Variants in NLRX1 observed in about 807,000 individuals in gnomAD.
The protein encoded by NLRX1 is NOD-like receptor X1.
NLRX1 carries 67 observed loss-of-function variants against 74.2 expected under a neutral mutation model. The ratio of observed to expected loss-of-function variants is 0.90; its 90% confidence interval spans 0.74 to 1.11. The LOEUF is 1.11. Among genes scored for constraint, NLRX1 ranks in the 50% least tolerant of loss-of-function variants. The probability of loss-of-function intolerance (pLI) is 0.00; values close to 1 mark genes in which losing one functional copy is unlikely to be tolerated. For missense variants in NLRX1, 1,191 were observed against 1,305.4 expected, an observed-to-expected ratio of 0.91 and a Z score of 1.35; for synonymous variants, 506 against 559.1, an observed-to-expected ratio of 0.91 and a Z score of 1.34.
chr11:119,183,248 A>G lies in NLRX1; in HGVS notation c.2737A>G (p.Ile913Val). The stretch of plus-strand genomic sequence containing the variant: ...GGCGGTGTCAGAATACTGGTCAGTG[A>G]TCCTCAGTGAAGTCCAGCGGAACCT... ...GTAVSEYWSV[I>V]LSEVQRNLNS... The change falls in exon 10 of 10, where the codon ATC becomes GTC. Residue 913 changes from isoleucine (I) to valine (V), a missense_variant. By Grantham distance (29) the Ile-to-Val change is conservative. Transcript: ENST00000409109. The surrounding 1 kb of genome is among the most constrained non-coding windows in gnomAD (Gnocchi z 5.7). The G allele has an allele frequency of 3.1e-6, 5 of 1,614,180 alleles. No homozygotes were observed. Among genetic ancestry groups the G allele is most frequent in the Non-Finnish European group, 3.4e-6 (4 of 1,180,032 alleles).
chr11:119,179,936 C>A lies in NLRX1; in HGVS notation c.1915C>A (p.Leu639Ile). 1 of 1,613,266 alleles carries A rather than the reference C, an allele frequency of 6.2e-7. No individual in the cohort carries two copies. Among genetic ancestry groups the A allele is most frequent in the Non-Finnish European group, 8.5e-7 (1 of 1,179,460 alleles). The change falls in exon 7 of 10, where the codon CTA (leucine) becomes ATA (isoleucine). Residue 639 changes from leucine to isoleucine, a missense_variant. Leu to Ile is a conservative substitution (Grantham distance 5). Coordinates refer to ENST00000409109, the MANE Select transcript of NLRX1 (RefSeq NM_001282144.2). The stretch of plus-strand genomic sequence containing the variant: ...TCTCTCTGCCCACAACCGAGCTGTG[C>A]TAGCTCAGCTTGGCTGCCCCATCAA... ...GLLSAHNRAV[L>I]AQLGCPIKNL...
In NLRX1 at chr11:119,174,594, T is replaced by C. The variant is rs758482125; in HGVS notation, c.991T>C (p.Cys331Arg). The change falls in exon 6 of 10, where the codon TGC (cysteine) becomes CGC (arginine). Residue 331 changes from cysteine to arginine, a missense_variant. Cys to Arg is a radical substitution (Grantham distance 180). Coordinates refer to ENST00000409109, the MANE Select transcript of NLRX1 (RefSeq NM_001282144.2). ...CCAGCTCCGCCTCAACCAGCCGTAC[T>C]GCGGGTATGCCGTTGGCGGTTCAGG... Reference protein sequence around the residue: ...YFQLRLNQPYCGYAVGGSGVS... With the variant: ...YFQLRLNQPYRGYAVGGSGVS... 3.7e-6 allele frequency: 6 copies of C among 1,614,080 alleles called. No individual in the cohort carries two copies. Among genetic ancestry groups the C allele is most frequent in the Non-Finnish European group, 3.4e-6 (4 of 1,180,050 alleles).
chr11:119,174,218 A>G lies in NLRX1; in HGVS notation c.849+120A>G, dbSNP rs994831658. ...TGGTGCGACCCTGAGCAAGTCAGTA[A>G]CTTCCCCAGCCTTCTGTTCCTTTCT... On this transcript the variant is annotated intron_variant, in intron 5 of 9. Transcript: ENST00000409109. 1.5e-5 allele frequency: 19 copies of G among 1,299,590 alleles called. No homozygotes were observed. The East Asian group carries it at 2.2e-4, about 15-fold the overall frequency. The allele number at this position is 1,299,590 out of a possible 1,614,324, so 80.5% of individuals were successfully genotyped here. A position where few individuals can be genotyped will look rare whatever the true frequency, so the allele number is the denominator to read the frequency against.
intron 5 of NLRX1, 70 bp from the exon 6 acceptor site, chr11:119,174,383 G>A (rs918454597): frequency 6.7e-7 from 1 of 1,484,416 alleles, no homozygotes; most frequent in Non-Finnish European, 9.2e-7. Flanking sequence ...GTCTTCAGGG[G>A]TCCCCTGGGA....
chr11:119,181,351 G>A (rs1161706120), intron 8 of NLRX1, 94 bp downstream of exon 8: 3 of 936,822 alleles, frequency 3.2e-6, no homozygotes, highest in Non-Finnish European at 5.1e-6. Context: ...CCCACCCAAG[G>A]GATAGTAAAT....
At chr11:119,170,719 A>G (rs748941522) in intron 1 of NLRX1, among the ~76,000 whole-genome samples, 1 of 152,212 alleles carries the variant, frequency 6.6e-6, no homozygotes, top group Non-Finnish European at 1.5e-5. Flanking sequence ...CAGAAAAGCC[A>G]CTGAAAATGA....
At chr11:119,175,826 C>T (rs1948690165) in intron 6 of NLRX1, among the ~76,000 whole-genome samples, 1 of 152,178 alleles carries the variant, frequency 6.6e-6, no homozygotes, top group African/African-American at 2.4e-5. Context: ...AATTACAGAC[C>T]TGAGGACTGT....
At chr11:119,181,930 C>A (rs1391814071) in intron 8 of NLRX1, among the ~76,000 whole-genome samples, 164 bp from the exon 9 acceptor site, 1 of 152,098 alleles carries the variant, frequency 6.6e-6, no homozygotes, top group East Asian at 1.9e-4. Context: ...CCTGGGCCTG[C>A]ATTTCTATGT....
intron 6 of NLRX1, among the ~76,000 whole-genome samples, chr11:119,175,750 A>C (rs1485868594): frequency 6.6e-6 from 1 of 152,084 alleles, no homozygotes; most frequent in Non-Finnish European, 1.5e-5. Context: ...TTATACTAGG[A>C]AGATAAATGG....
At chr11:119,171,313 G>A (rs1004823535) in intron 1 of NLRX1, 43 bp from the exon 2 acceptor site, 1 of 1,409,358 alleles carries the variant, frequency 7.1e-7, no homozygotes, top group African/African-American at 1.4e-5. Context: ...GGGTGCAGGG[G>A]AGGAGTGGTG....
Position 119,183,166 on chromosome 11 carries a change from C to T in NLRX1, c.2655C>T (p.Asp885=). Residue 885 remains aspartate, a synonymous_variant, in exon 10 of 10, where the codon GAC becomes GAT. Coordinates refer to ENST00000409109, the MANE Select transcript of NLRX1 (RefSeq NM_001282144.2). This position sits in a 1 kb window ranked among gnomAD's most constrained non-coding sequence, Gnocchi z 5.7. ...LSSEGRQVLR[D]LGGAAEGGAR... is the part of the protein sequence containing the mutation. ...CAGAGGGCCGCCAGGTCTTGCGAGA[C>T]TTGGGGGGTGCTGCTGAAGGTGGTG... 2 of 1,614,164 alleles carry T rather than the reference C, an allele frequency of 1.2e-6. No individual in the cohort carries two copies. Among genetic ancestry groups the T allele is most frequent in the Non-Finnish European group, 8.5e-7 (1 of 1,180,030 alleles).
chr11:119,173,070 T>C lies in NLRX1; in HGVS notation c.229+81T>C. The C allele has an allele frequency of 9.1e-7, 1 of 1,103,274 alleles. No individual in the cohort carries two copies. Among genetic ancestry groups the C allele is most frequent in the Non-Finnish European group, 1.4e-6 (1 of 723,866 alleles). 68.3% of individuals were successfully genotyped at this position (1,103,274 alleles called of 1,614,324 possible). On this transcript the variant is annotated intron_variant, in intron 4 of 9. Coordinates refer to ENST00000409109, the MANE Select transcript of NLRX1 (RefSeq NM_001282144.2). The surrounding 1 kb of genome is among the most constrained non-coding windows in gnomAD (Gnocchi z 4.0). ...AAGGAGAAGCAGGGTGAGGGAGGCA[T>C]AGAGGATCCACTGCCATCTTCCATC...
At chr11:119,172,500 C>A (rs938352460) in intron 3 of NLRX1, 75 bp downstream of exon 3, 4 of 1,132,244 alleles carry the variant, frequency 3.5e-6, no homozygotes, top group Non-Finnish European at 5.4e-6. Context: ...GGACTTGGGG[C>A]TAGCTTGATC....
chr11:119,176,022 A>G (rs1317043829), intron 6 of NLRX1, among the ~76,000 whole-genome samples: 1 of 152,220 alleles, frequency 6.6e-6, no homozygotes, highest in Non-Finnish European at 1.5e-5. Flanking sequence ...TAACTTGTCC[A>G]AGATCACTCA....
At chr11:119,182,889 A>AAAAAACAAAAAC (rs578006710) in intron 9 of NLRX1, among the ~76,000 whole-genome samples, 11 of 151,664 alleles carry the variant, frequency 7.3e-5, no homozygotes, top group East Asian at 1.9e-4. Flanking sequence ...TCCATCTCAA[A>AAAAAACAAAAAC]AAAAACAAAA....
intron 6 of NLRX1, among the ~76,000 whole-genome samples, chr11:119,178,362 C>T (rs914280494): frequency 2.0e-5 from 3 of 152,088 alleles, no homozygotes; most frequent in African/African-American, 7.2e-5. Context: ...CTGCTGTGTG[C>T]CAGGCAATGT....
In NLRX1 at chr11:119,169,214, C is replaced by T. The variant is rs1444211865; in HGVS notation, c.-137C>T. On this transcript the variant is annotated 5_prime_UTR_variant, in exon 1 of 10. Transcript: ENST00000409109. ...TGGCGGGCGTTCTGGCAAGTCTCCC[C>T]CTGCGTTCCCGAGGCCACCCGAAAG... 6.6e-6 allele frequency: 1 copy of T among 152,666 alleles called. No individual in the cohort carries two copies. The highest frequency in any genetic ancestry group is 1.5e-5 in the Non-Finnish European group (1 of 68,450). The allele number at this position is 152,666 out of a possible 1,614,324, so 9.5% of individuals were successfully genotyped here.
chr11:119,180,156 A>G lies in NLRX1; in HGVS notation c.2135A>G (p.Lys712Arg), dbSNP rs747088152. The G allele has an allele frequency of 6.2e-7, 1 of 1,613,462 alleles. No homozygotes were observed. Among genetic ancestry groups the G allele is most frequent in the Non-Finnish European group, 8.5e-7 (1 of 1,179,660 alleles). Residue 712 changes from lysine (K) to arginine (R), a missense_variant, in exon 7 of 10, where the codon AAG becomes AGG. Transcript: ENST00000409109. ...GCAGGTGTGCGCATGACACCAGTCA[A>G]GTGCACAGTGGTGGCAGCTGTGCTG... ...NLAGVRMTPV[K>R]CTVVAAVLGS...
rs556602737 is a variant in NLRX1 at position 119,179,780 on chromosome 11, G to T, written c.1759G>T (p.Asp587Tyr). The T allele has an allele frequency of 2.5e-6, 4 of 1,614,222 alleles. No homozygotes were observed. In the Admixed American group the frequency reaches 5.0e-5, roughly 20 times the overall value. Residue 587 changes from aspartate (D) to tyrosine (Y), a missense_variant, in exon 7 of 10, where the codon GAC (aspartate) becomes TAC (tyrosine). Coordinates refer to ENST00000409109, the MANE Select transcript of NLRX1 (RefSeq NM_001282144.2). ...AMVLEMFREE[D>Y]YYNDDVLDQM... Reference sequence around the variant, plus strand: ...GGTGCTGGAGATGTTTCGAGAGGAGGACTACTACAACGATGATGTTCTGGA... The same window carrying T: ...GGTGCTGGAGATGTTTCGAGAGGAGTACTACTACAACGATGATGTTCTGGA...
Sources: gnomAD v4.1 joint callset for allele counts (sites outside exome capture counted in the v4.1 genomes callset) on GRCh38, gnomAD v4.1.1 for gene constraint, Gnocchi (gnomAD v3.1) non-coding constraint, MANE v1.5 for transcripts, NCBI Gene and HGNC (gene_info 2026-07-23, HGNC 2026-07-21) for gene names.